Variants in AGBL4 observed in about 807,000 individuals in gnomAD.
The protein encoded by AGBL4 is cytosolic carboxypeptidase 6.
AGBL4 carries 58 observed loss-of-function variants against 66.4 expected under a neutral mutation model. The observed-to-expected ratio is 0.87, with a 90% CI of 0.71 to 1.09. The LOEUF (loss-of-function observed/expected upper bound fraction) is 1.09. Ranked by LOEUF, AGBL4 falls within the 50% of genes least tolerant of loss-of-function variation. The pLI is 0.00. For synonymous variants in AGBL4, 234 were observed against 222.9 expected (o/e 1.05, Z -0.44); for missense variants, 579 against 631.0 (o/e 0.92, Z 0.88).
chr1:48,872,953 G>C (rs1273821912), intron 5 of AGBL4, among the ~76,000 whole-genome samples: 1 of 152,188 alleles, frequency 6.6e-6, no homozygotes, highest in African/African-American at 2.4e-5. Context: ...ATTTCCGAGT[G>C]CTGGCTACAT....
intron 6 of AGBL4, among the ~76,000 whole-genome samples, chr1:48,693,874 G>A (rs1646673109): frequency 6.6e-6 from 1 of 152,050 alleles, no homozygotes. Flanking sequence ...GCCGGGTACT[G>A]GGCAGGGCTC....
At chr1:49,115,100 T>G (rs1327361076) in intron 4 of AGBL4, among the ~76,000 whole-genome samples, 1 of 152,134 alleles carries the variant, frequency 6.6e-6, no homozygotes, top group Non-Finnish European at 1.5e-5. Context: ...ATCTGTAAAG[T>G]GCAATAAAGC....
chr1:48,885,523 C>T (rs144086599), intron 5 of AGBL4, among the ~76,000 whole-genome samples: 109 of 152,194 alleles, frequency 7.2e-4, no homozygotes, highest in African/African-American at 2.4e-3. Context: ...ACACCAAGAC[C>T]GGCCACATAA....
intron 4 of AGBL4, among the ~76,000 whole-genome samples, chr1:49,176,155 G>A (rs1411181717): frequency 1.3e-5 from 2 of 152,134 alleles, no homozygotes; most frequent in Non-Finnish European, 2.9e-5. Flanking sequence ...TGATGATGGT[G>A]ATGACAATGA....
chr1:49,410,287 C>T (rs992929840), intron 3 of AGBL4, among the ~76,000 whole-genome samples: 1 of 152,158 alleles, frequency 6.6e-6, no homozygotes, highest in African/African-American at 2.4e-5. Flanking sequence ...TTTTGAGTTT[C>T]TGCTCACACC....
chr1:49,716,709 A>G (rs1648171265), intron 2 of AGBL4, among the ~76,000 whole-genome samples: 1 of 152,060 alleles, frequency 6.6e-6, no homozygotes, highest in Admixed American at 6.6e-5. Flanking sequence ...CAGAAATGGC[A>G]TTCAACAAAA....
At position 49,178,501 on chromosome 1, in the gene AGBL4, T is replaced by C. The variant is rs1646871662; in HGVS notation, c.377+67269A>G. On this transcript the variant is annotated intron_variant, in intron 4 of 13. Coordinates refer to ENST00000371839, the MANE Select transcript of AGBL4 (RefSeq NM_032785.4). ...TTGTACTTACCACGCCATATAGTAA[T>C]TATGACAACTCTGTGTCTGTTTCAT... Among the ~76,000 whole-genome samples the C allele has an allele frequency of 2.0e-5, 3 of 152,192 alleles. No individual in the cohort carries two copies. In the South Asian group the frequency reaches 6.2e-4, roughly 32 times the overall value.
At chr1:48,776,932 G>C (rs946426076) in intron 6 of AGBL4, 27 of 592,428 alleles carry the variant, frequency 4.6e-5, no homozygotes, top group African/African-American at 3.6e-4. Context: ...ACGGTGCTGG[G>C]GGGGGCGGGG....
chr1:49,767,809 T>C (rs1004277237), intron 2 of AGBL4, among the ~76,000 whole-genome samples: 1 of 151,878 alleles, frequency 6.6e-6, no homozygotes, highest in East Asian at 1.9e-4. Flanking sequence ...TCAGATACTA[T>C]TATAAACATC....
intron 3 of AGBL4, among the ~76,000 whole-genome samples, chr1:49,457,968 T>C (rs1416408297): frequency 6.6e-6 from 1 of 151,900 alleles, no homozygotes; most frequent in African/African-American, 2.4e-5. Flanking sequence ...TATGACCTTA[T>C]AGTTTAGGGT....
intron 3 of AGBL4, among the ~76,000 whole-genome samples, chr1:49,549,812 T>C (rs763020791): frequency 6.6e-6 from 1 of 152,190 alleles, no homozygotes; most frequent in East Asian, 1.9e-4. Flanking sequence ...TTCCAAGGTA[T>C]AGTTTAAATC....
intron 3 of AGBL4, among the ~76,000 whole-genome samples, chr1:49,568,359 C>T (rs1644256101): frequency 6.6e-6 from 1 of 151,202 alleles, no homozygotes; most frequent in African/African-American, 2.4e-5. Flanking sequence ...TGCTGAGAGC[C>T]AAATCAGGAA....
chr1:48,979,055 G>A (rs1035605499), intron 5 of AGBL4, among the ~76,000 whole-genome samples: 8 of 152,016 alleles, frequency 5.3e-5, no homozygotes, highest in Admixed American at 5.2e-4. Context: ...AATTCTGCTT[G>A]GCAAAAGCTG....
chr1:49,138,358 TACC>T (rs1646053048), intron 4 of AGBL4, among the ~76,000 whole-genome samples: 2 of 152,154 alleles, frequency 1.3e-5, no homozygotes, highest in South Asian at 4.1e-4. Context: ...TGGTCAATAG[TACC>T]ACAACAATCC....
chr1:48,532,417 G>A (rs538343310), downstream of AGBL4, among the ~76,000 whole-genome samples: 93 of 152,252 alleles, frequency 6.1e-4, no homozygotes, highest in African/African-American at 2.1e-3. Flanking sequence ...CTGGCTCCAA[G>A]TTTTTGCTCT....
At chr1:49,744,965 T>C (rs2147819354) in intron 2 of AGBL4, among the ~76,000 whole-genome samples, 1 of 152,200 alleles carries the variant, frequency 6.6e-6, no homozygotes, top group Non-Finnish European at 1.5e-5. Flanking sequence ...CTAGACTGTT[T>C]CTAATAGTAT....
chr1:49,680,880 G>A (rs537404986), intron 3 of AGBL4, among the ~76,000 whole-genome samples: 1 of 151,002 alleles, frequency 6.6e-6, no homozygotes, highest in Admixed American at 6.6e-5. Flanking sequence ...TGATGTTCCT[G>A]ATGCTCTGTT....
chr1:49,967,097 G>C (rs1283009226), intron 1 of AGBL4, among the ~76,000 whole-genome samples: 2 of 152,048 alleles, frequency 1.3e-5, no homozygotes, highest in African/African-American at 2.4e-5. Context: ...CTTCCACAAT[G>C]GTTGAACTAG....
intron 1 of AGBL4, among the ~76,000 whole-genome samples, chr1:49,969,597 A>G (rs549369918): frequency 6.6e-6 from 1 of 152,038 alleles, no homozygotes; most frequent in South Asian, 2.1e-4. Flanking sequence ...ACTTTACCTC[A>G]TTTATGAAGT....
Sources: allele counts gnomAD v4.1 joint callset (sites outside exome capture counted in the v4.1 genomes callset), GRCh38; gene constraint gnomAD v4.1.1; transcripts MANE v1.5; gene names NCBI Gene and HGNC (gene_info 2026-07-23, HGNC 2026-07-21).